NCAN: variants seen among roughly 807,000 people sequenced by gnomAD.
The protein encoded by NCAN is neurocan.
NCAN carries 47 observed loss-of-function variants against 121.8 expected under a neutral mutation model. The observed-to-expected ratio is 0.39, with a 90% CI of 0.31 to 0.49. The LOEUF is 0.49. NCAN is among the 20% of genes least tolerant of loss of function. NCAN has a pLI of 0.92. For missense variants in NCAN, 1,517 were observed against 1,773.4 expected (o/e 0.86, Z 2.60); for synonymous variants, 633 against 702.0 (o/e 0.90, Z 1.55).
intron 2 of NCAN, among the ~76,000 whole-genome samples, chr19:19,218,407 G>A (rs2060803577): frequency 6.6e-6 from 1 of 152,146 alleles, no homozygotes; most frequent in Non-Finnish European, 1.5e-5. Flanking sequence ...AGGCTGCAGT[G>A]AATCATGATC....
At chr19:19,223,063 C>G (rs995726976) in intron 3 of NCAN, among the ~76,000 whole-genome samples, 1 of 151,988 alleles carries the variant, frequency 6.6e-6, no homozygotes, top group African/African-American at 2.4e-5. Context: ...GAGCTGAGAT[C>G]GCGCCACTGC....
Position 19,224,388 on chromosome 19 carries a change from C to G in NCAN, c.733C>G (p.Pro245Ala). 1 of 1,614,022 alleles carries G rather than the reference C, an allele frequency of 6.2e-7. No homozygotes were observed. The highest frequency in any genetic ancestry group is 8.5e-7 in the Non-Finnish European group (1 of 1,179,994). The change falls in exon 5 of 15, where the codon CCA (proline) becomes GCA (alanine). Residue 245 changes from proline to alanine, a missense_variant. Physicochemically the swap from Pro to Ala is conservative, Grantham distance 27. Coordinates refer to ENST00000252575, the MANE Select transcript of NCAN (RefSeq NM_004386.3). The part of the protein sequence containing the change: ...PGVRSYGRRN[P>A]QELYDVYCFA... ...GGTTCGGAGCTATGGGAGGCGCAAC[C>G]CACAGGAACTCTACGATGTGTATTG...
rs35998446 is a variant in NCAN, at chr19:19,219,859, T to TA, written c.475+561dup. ...GGCCAACATGGTGAAACCCCGTCTTTAAAAAAAAAAAAAAAAAATTAGCCA... is the reference window on the plus strand; with the variant it reads ...GGCCAACATGGTGAAACCCCGTCTTTAAAAAAAAAAAAAAAAAAATTAGCCA... On this transcript the variant is annotated intron_variant, in intron 3 of 14. Transcript: ENST00000252575. Among the ~76,000 whole-genome samples the TA allele has an allele frequency of 1.7e-3, 224 of 128,226 alleles. 2 individuals are homozygous for TA. The highest frequency in any genetic ancestry group is 8.5e-3 in the Middle Eastern group (2 of 234). The allele number at this position is 128,226 out of a possible 152,430, so 84.1% of individuals were successfully genotyped here.
At chr19:19,223,990 C>A in intron 3 of NCAN, 31 bp from the exon 4 acceptor site, 1 of 1,493,982 alleles carries the variant, frequency 6.7e-7, no homozygotes. Flanking sequence ...CATAAGTCAA[C>A]TGTCCCCCCA....
chr19:19,237,782 G>A (rs1472838296), intron 10 of NCAN, among the ~76,000 whole-genome samples: 5 of 152,174 alleles, frequency 3.3e-5, no homozygotes, highest in East Asian at 1.9e-4. Flanking sequence ...GGTGGCTCAC[G>A]TCTGTAATTC....
At chr19:19,214,048 A>AT (rs1356711822) in intron 1 of NCAN, among the ~76,000 whole-genome samples, 2 of 151,984 alleles carry the variant, frequency 1.3e-5, no homozygotes, top group African/African-American at 4.8e-5. Flanking sequence ...CACCCACCAC[A>AT]TGGCACAACC....
chr19:19,224,015 C>T lies in NCAN; in HGVS notation c.476-6C>T. 2 of 1,511,618 alleles carry T rather than the reference C, an allele frequency of 1.3e-6. No individual in the cohort carries two copies. Among genetic ancestry groups the T allele is most frequent in the Non-Finnish European group, 1.8e-6 (2 of 1,124,748 alleles). The allele number at this position is 1,511,618 out of a possible 1,614,324, so 93.6% of individuals were successfully genotyped here. A position where few individuals can be genotyped will look rare whatever the true frequency, so the allele number is the denominator to read the frequency against. On this transcript the variant is annotated splice_polypyrimidine_tract_variant and splice_region_variant and intron_variant, in intron 3 of 14. Transcript: ENST00000252575. ...CTGTCCCCCCATCCTGGATGTTCCC[C>T]CACAGGTGTTGTGTTCCACTACCGA...
intron 3 of NCAN, among the ~76,000 whole-genome samples, chr19:19,221,890 C>CAAATAAATAAAT (rs56882747): frequency 4.0e-5 from 6 of 151,582 alleles, no homozygotes; most frequent in African/African-American, 1.5e-4. Context: ...GACCCTGACT[C>CAAATAAATAAAT]AAATAAATAA....
Position 19,225,233 on chromosome 19 carries a change from C to G in NCAN, c.1035C>G (p.Pro345=). The change falls in exon 6 of 15, where the codon CCC becomes CCG. Residue 345 remains proline, a synonymous_variant. Transcript: ENST00000252575. The surrounding 1 kb of genome is among the most constrained non-coding windows in gnomAD (Gnocchi z 4.0). The part of the protein sequence containing the change: ...VYRFANRTGF[P]SPAERFDAYC... The stretch of plus-strand genomic sequence containing the variant: ...GCTTCGCTAACCGGACCGGCTTCCC[C>G]TCACCCGCCGAGCGCTTCGACGCCT... 6.4e-7 allele frequency: 1 copy of G among 1,571,482 alleles called. No individual in the cohort carries two copies.
At chr19:19,219,704 A>C (rs1599808544) in intron 3 of NCAN, among the ~76,000 whole-genome samples, 1 of 141,126 alleles carries the variant, frequency 7.1e-6, no homozygotes, top group African/African-American at 2.6e-5. Flanking sequence ...GAAAGAAATC[A>C]CTCTCTGAAC....
chr19:19,249,245 A>G (rs564138894), intron 14 of NCAN, among the ~76,000 whole-genome samples: 1 of 152,010 alleles, frequency 6.6e-6, no homozygotes, highest in East Asian at 1.9e-4. Context: ...TAATTTTTGT[A>G]TTTTTAGTAG....
intron 10 of NCAN, among the ~76,000 whole-genome samples, chr19:19,237,583 C>A (rs933725391): frequency 6.6e-6 from 1 of 151,962 alleles, no homozygotes; most frequent in African/African-American, 2.4e-5. Context: ...AGCATCTTTT[C>A]ATGTGCTTGT....
At chr19:19,219,355 A>T (rs1363729802) in intron 3 of NCAN, 39 bp downstream of exon 3, 1 of 1,459,336 alleles carries the variant, frequency 6.9e-7, no homozygotes, top group Admixed American at 2.4e-5. Flanking sequence ...GGCCGGGGAG[A>T]GGGAGGGCTG....
At chr19:19,219,432 T>C in intron 3 of NCAN, 116 bp downstream of exon 3, 1 of 1,144,770 alleles carries the variant, frequency 8.7e-7, no homozygotes, top group African/African-American at 1.6e-5. Context: ...TGGTGTCTCA[T>C]GCCTGTAATC....
chr19:19,227,986 G>T lies in NCAN; in HGVS notation c.2366G>T (p.Gly789Val). ...CCCTGGCCCTCAGTGTACAGCAAAG[G>T]GCTGGATGCAAGTTCCCCATCTGCC... is the stretch of plus-strand genomic sequence containing the variant. ...QDPWPSVYSK[G>V]LDASSPSAPL... Residue 789 changes from glycine (G) to valine (V), a missense_variant, in exon 8 of 15, where the codon GGG becomes GTG. Gly to Val is a moderately radical substitution (Grantham distance 109, BLOSUM62 -3). Coordinates refer to ENST00000252575, the MANE Select transcript of NCAN (RefSeq NM_004386.3). This position sits in a 1 kb window ranked among gnomAD's most constrained non-coding sequence, Gnocchi z 4.2. 6.2e-7 allele frequency: 1 copy of T among 1,613,438 alleles called. No individual in the cohort carries two copies. The highest frequency in any genetic ancestry group is 1.3e-5 in the African/African-American group (1 of 75,020).
chr19:19,228,451 T>C lies in NCAN; in HGVS notation c.2831T>C (p.Val944Ala). 2 of 1,613,590 alleles carry C rather than the reference T, an allele frequency of 1.2e-6. No homozygotes were observed. Among genetic ancestry groups the C allele is most frequent in the Non-Finnish European group, 1.7e-6 (2 of 1,180,002 alleles). ...GCCAGTGTGGGCGAGTCTGCCTCAG[T>C]TTCCTCAGGGGAGCCTACGGTACCG... ...TAASVGESASVSSGEPTVPWD... is the reference protein window; with the variant it reads ...TAASVGESASASSGEPTVPWD... The change falls in exon 8 of 15, where the codon GTT becomes GCT. Residue 944 changes from valine (V) to alanine (A), a missense_variant. Val to Ala is a moderately conservative substitution (Grantham distance 64). Transcript: ENST00000252575.
rs769935052 is a variant in NCAN, at chr19:19,227,094, C to T, written c.1660+21C>T. ...AGCTGGTGAGTTGCTCTGGGGGAGG[C>T]GGGACCTACCTGGGGATCTGGAGGT... On this transcript the variant is annotated intron_variant, in intron 7 of 14. Coordinates refer to ENST00000252575, the MANE Select transcript of NCAN (RefSeq NM_004386.3). This position sits in a 1 kb window ranked among gnomAD's most constrained non-coding sequence, Gnocchi z 4.2. 79 of 1,502,754 alleles carry T rather than the reference C, an allele frequency of 5.3e-5. No individual in the cohort carries two copies. The highest frequency in any genetic ancestry group is 4.4e-4 in the Middle Eastern group (2 of 4,552). The allele number at this position is 1,502,754 out of a possible 1,614,324, so 93.1% of individuals were successfully genotyped here.
At chr19:19,241,161 C>G (rs1049451967) in intron 12 of NCAN, among the ~76,000 whole-genome samples, 1 of 151,874 alleles carries the variant, frequency 6.6e-6, no homozygotes, top group Non-Finnish European at 1.5e-5. Flanking sequence ...GAGGCTGAGG[C>G]GTGAGAATCG....
At chr19:19,232,058 C>T (rs751509794) in intron 8 of NCAN, among the ~76,000 whole-genome samples, 8 of 151,892 alleles carry the variant, frequency 5.3e-5, no homozygotes, top group Non-Finnish European at 8.8e-5. Context: ...GAAAGATGAT[C>T]AGAGGGGAAG....
Sources: allele counts gnomAD v4.1 joint callset (sites outside exome capture counted in the v4.1 genomes callset), GRCh38; gene constraint gnomAD v4.1.1; non-coding constraint Gnocchi (gnomAD v3.1); transcripts MANE v1.5; gene names NCBI Gene and HGNC (gene_info 2026-07-23, HGNC 2026-07-21).